The following ARFIP1 variants were observed in gnomAD, a reference collection of about 807,000 sequenced individuals.
ARFIP1 encodes ARF interacting protein 1.
In ARFIP1, 24 loss-of-function variants were observed where a neutral mutation model predicts 42.5. The ratio of observed to expected loss-of-function variants is 0.57; its 90% CI spans 0.41 to 0.80. ARFIP1 has a LOEUF of 0.80. ARFIP1 is among the 30% of genes least tolerant of loss of function. The pLI, the probability that ARFIP1 is intolerant of heterozygous loss-of-function variation, is 0.00. For synonymous variants in ARFIP1, 141 were observed against 153.7 expected, an observed-to-expected ratio of 0.92 and a Z score of 0.61; for missense variants, 354 against 434.0, an observed-to-expected ratio of 0.82 and a Z score of 1.64.
rs1366661508 is a variant in ARFIP1, at chr4:152,911,464, G to C, written c.*1245G>C. ...ACTGTTTTAGTTGCTCGGCACTGTT[G>C]GTTTTGTTTTAATGTGGTTGCCCTG... On this transcript the variant is annotated 3_prime_UTR_variant, in exon 9 of 9. Transcript: ENST00000353617. 6.6e-6 allele frequency: 1 copy of C among 152,218 alleles called. No individual in the cohort carries two copies. Among genetic ancestry groups the C allele is most frequent in the African/African-American group, 2.4e-5 (1 of 41,416 alleles). 9.4% of individuals were successfully genotyped at this position (152,218 alleles called of 1,614,324 possible).
intron 7 of ARFIP1, among the ~76,000 whole-genome samples, chr4:152,883,662 A>G (rs1038545626): frequency 1.3e-5 from 2 of 151,250 alleles, no homozygotes; most frequent in African/African-American, 2.4e-5. Context: ...TCTCATAACT[A>G]TCCTGTTAAA....
At chr4:152,902,517 C>T (rs551772342) in intron 8 of ARFIP1, among the ~76,000 whole-genome samples, 77 of 151,760 alleles carry the variant, frequency 5.1e-4, no homozygotes, top group African/African-American at 1.6e-3. Flanking sequence ...TCGGGGTGGG[C>T]GGGGGGAGAC....
Position 152,804,500 on chromosome 4 carries a change from A to AAT in ARFIP1, c.-10+24290_-10+24291dup, listed in dbSNP as rs1554022308. 3.2e-3 allele frequency among the ~76,000 whole-genome samples: 391 copies of AAT among 121,482 alleles called. 5 individuals are homozygous for AAT. The highest frequency in any genetic ancestry group is 0.011 in the African/African-American group (330 of 31,344). 79.7% of individuals were successfully genotyped at this position (121,482 alleles called of 152,430 possible). A position where few individuals can be genotyped will look rare whatever the true frequency, so the allele number is the denominator to read the frequency against. On this transcript the variant is annotated intron_variant, in intron 1 of 8. Transcript: ENST00000353617. ...TAATATATATTATTTATATATATATAATATATATATATATATAGTTGGGAG... is the reference window on the plus strand; with the variant it reads ...TAATATATATTATTTATATATATATAATATATATATATATATATAGTTGGGAG...
intron 8 of ARFIP1, among the ~76,000 whole-genome samples, chr4:152,908,595 G>A (rs1035238065): frequency 6.6e-6 from 1 of 151,436 alleles, no homozygotes; most frequent in Non-Finnish European, 1.5e-5. Flanking sequence ...GGCAACAGAA[G>A]CAAAACTCCA....
intron 5 of ARFIP1, among the ~76,000 whole-genome samples, chr4:152,876,625 A>C (rs554517089): frequency 6.6e-6 from 1 of 152,368 alleles, no homozygotes; most frequent in African/African-American, 2.4e-5. Flanking sequence ...AGAAATTTGC[A>C]TAAGTAGCAA....
chr4:152,811,887 T>G (rs1383940022), intron 1 of ARFIP1, among the ~76,000 whole-genome samples: 8 of 67,780 alleles, frequency 1.2e-4, no homozygotes, highest in Non-Finnish European at 4.3e-5. Flanking sequence ...TTTTCAGTAC[T>G]ATAATTAATG....
At chr4:152,834,722 T>A (rs532248211) in intron 2 of ARFIP1, among the ~76,000 whole-genome samples, 14 of 152,322 alleles carry the variant, frequency 9.2e-5, no homozygotes, top group African/African-American at 3.4e-4. Context: ...TTTTCCACAC[T>A]GAGATTGCAA....
At chr4:152,784,044 G>T (rs1730656188) in intron 1 of ARFIP1, among the ~76,000 whole-genome samples, 1 of 152,110 alleles carries the variant, frequency 6.6e-6, no homozygotes, top group East Asian at 1.9e-4. Context: ...AATACATTTG[G>T]GATGGAAAGA....
intron 2 of ARFIP1, among the ~76,000 whole-genome samples, chr4:152,851,570 G>A (rs1732985638): frequency 6.6e-6 from 1 of 152,150 alleles, no homozygotes; most frequent in Non-Finnish European, 1.5e-5. Flanking sequence ...TACCTAAAAG[G>A]CAATGGAGAG....
In ARFIP1 at chr4:152,890,793, G is replaced by C. The variant is rs181690496; in HGVS notation, c.966+2486G>C. On this transcript the variant is annotated intron_variant, in intron 8 of 8. Transcript: ENST00000353617. ...TTGGATGAACAGGGTCAGGGCTTCAGATATAAAGGCTTGGAAGTCATTGCT... is the reference window on the plus strand; with the variant it reads ...TTGGATGAACAGGGTCAGGGCTTCACATATAAAGGCTTGGAAGTCATTGCT... Among the ~76,000 whole-genome samples, 4 of 152,236 alleles carry C rather than the reference G, an allele frequency of 2.6e-5. No homozygotes were observed. In the East Asian group the frequency reaches 5.8e-4, roughly 22 times the overall value.
chr4:152,822,431 C>G (rs1442700724), intron 1 of ARFIP1, among the ~76,000 whole-genome samples: 1 of 151,838 alleles, frequency 6.6e-6, no homozygotes, highest in African/African-American at 2.4e-5. Context: ...ACTGCTAGAC[C>G]TAAGAAAAGA....
intron 3 of ARFIP1, among the ~76,000 whole-genome samples, chr4:152,865,386 C>T (rs550004385): frequency 2.0e-5 from 3 of 152,328 alleles, no homozygotes; most frequent in Admixed American, 6.5e-5. Flanking sequence ...GTCCTCCTGC[C>T]TGGGCCTCCC....
chr4:152,839,620 G>T (rs1194224230), intron 2 of ARFIP1, among the ~76,000 whole-genome samples: 1 of 152,092 alleles, frequency 6.6e-6, no homozygotes, highest in Non-Finnish European at 1.5e-5. Flanking sequence ...GGTGTCAGTT[G>T]TAATATCCCC....
intron 6 of ARFIP1, 116 bp downstream of exon 6, chr4:152,881,300 TCTC>T: frequency 1.2e-6 from 1 of 809,786 alleles, no homozygotes; most frequent in Non-Finnish European, 1.9e-6. Context: ...ATTCTGAGAT[TCTC>T]TTTTAAGATA....
intron 7 of ARFIP1, among the ~76,000 whole-genome samples, chr4:152,885,706 G>A (rs1244938241): frequency 1.3e-5 from 2 of 151,906 alleles, no homozygotes; most frequent in Non-Finnish European, 2.9e-5. Context: ...GTTAATCACT[G>A]TTGTTTAGAA....
intron 5 of ARFIP1, among the ~76,000 whole-genome samples, chr4:152,872,867 C>T (rs1372225676): frequency 6.6e-6 from 1 of 152,176 alleles, no homozygotes; most frequent in Non-Finnish European, 1.5e-5. Flanking sequence ...GATATATTTG[C>T]TCCTTCCCCT....
rs1730389890 is a variant in ARFIP1 at position 152,780,127 on chromosome 4, G to A, written c.-109G>A. ...GAAGGGGAAGAAGGAAAAGGTCCGG[G>A]TCGCGTTTCCGCTCAGTTTTTGCCA... is the stretch of plus-strand genomic sequence containing the variant. On this transcript the variant is annotated 5_prime_UTR_variant, in exon 1 of 9. Coordinates refer to ENST00000353617, the MANE Select transcript of ARFIP1 (RefSeq NM_001025595.3). The A allele has an allele frequency of 6.6e-6, 1 of 152,462 alleles. No homozygotes were observed. The highest frequency in any genetic ancestry group is 2.1e-4 in the South Asian group (1 of 4,834). The allele number at this position is 152,462 out of a possible 1,614,324, so 9.4% of individuals were successfully genotyped here.
In ARFIP1 at chr4:152,871,451, A is replaced by C. The variant is rs1440077762; in HGVS notation, c.298+603A>C. 2.0e-5 allele frequency among the ~76,000 whole-genome samples: 3 copies of C among 152,210 alleles called. No individual in the cohort carries two copies. The East Asian group carries it at 5.8e-4, about 29-fold the overall frequency. The stretch of plus-strand genomic sequence containing the variant: ...AAATGAACTCCACGTTTCTTCTTAT[A>C]TGAAATGTTAACATTTATATTTTGT... On this transcript the variant is annotated intron_variant, in intron 4 of 8. Coordinates refer to ENST00000353617, the MANE Select transcript of ARFIP1 (RefSeq NM_001025595.3).
chr4:152,825,346 A>G lies in ARFIP1; in HGVS notation c.-9-4279A>G, dbSNP rs1228678982. ...ACCAAAACAGTGTGGTACTGGCATA[A>G]AAGTAGGTACTTAGAATAATAGAAC... On this transcript the variant is annotated intron_variant, in intron 1 of 8. Transcript: ENST00000353617. Among the ~76,000 whole-genome samples, 3 of 152,212 alleles carry G rather than the reference A, an allele frequency of 2.0e-5. No individual in the cohort carries two copies. The East Asian group carries it at 5.8e-4, about 29-fold the overall frequency.
Sources: gnomAD v4.1 joint callset for allele counts (sites outside exome capture counted in the v4.1 genomes callset) on GRCh38, gnomAD v4.1.1 for gene constraint, MANE v1.5 for transcripts, NCBI Gene and HGNC (gene_info 2026-07-23, HGNC 2026-07-21) for gene names.